Variants in MGAM2 observed in about 807,000 individuals in gnomAD.
The protein encoded by MGAM2 is maltase-glucoamylase 2 (putative), also known as probable maltase-glucoamylase 2.
Under a neutral mutation model 96.1 loss-of-function variants are expected in MGAM2, and 98 were observed. That is an observed-to-expected ratio of 1.02 (90% CI 0.87 to 1.21). The LOEUF (loss-of-function observed/expected upper bound fraction) is 1.21. Among genes scored for constraint, MGAM2 ranks in the 50% most tolerant of loss-of-function variants. MGAM2 has a pLI of 0.00. For synonymous variants in MGAM2, 749 were observed against 414.8 expected (o/e 1.81, Z -9.79); for missense variants, 2,055 against 1,182.4 (o/e 1.74, Z -10.82).
intron 38 of MGAM2, 122 bp from the exon 39 acceptor site, chr7:142,196,443 A>G (rs1797038769): frequency 3.0e-6 from 2 of 663,700 alleles, no homozygotes; most frequent in South Asian, 1.7e-5. Context: ...ATTTACACCC[A>G]TCTTTTAATA....
At chr7:142,201,980 AAAAAG>A in intron 45 of MGAM2, among the ~76,000 whole-genome samples, 1 of 66,880 alleles carries the variant, frequency 1.5e-5, no homozygotes. Context: ...TATTAGGAAT[AAAAAG>A]CAATTAAAGC....
rs565474835 is a variant in MGAM2, at chr7:142,149,626, C to T, written c.1634+2053C>T. 4.0e-3 allele frequency among the ~76,000 whole-genome samples: 612 copies of T among 151,954 alleles called. 4 individuals are homozygous for T. The highest frequency in any genetic ancestry group is 0.014 in the African/African-American group (561 of 41,454). The stretch of plus-strand genomic sequence containing the variant: ...TGCGATCTCGGCTCACTGCAAGCTC[C>T]GCCTCCTGGGTTCACGCCATTCTCC... On this transcript the variant is annotated intron_variant, in intron 15 of 47. Transcript: ENST00000477922.
intron 45 of MGAM2, among the ~76,000 whole-genome samples, chr7:142,201,071 C>CTTTTTTTCTTT (rs1797209807): frequency 3.6e-5 from 3 of 84,382 alleles, no homozygotes; most frequent in Admixed American, 1.7e-4. Flanking sequence ...CATCCTTTTT[C>CTTTTTTTCTTT]TTTTTTTTTT....
chr7:142,196,259 A>G lies in MGAM2; in HGVS notation c.4452A>G (p.Ala1484=), dbSNP rs4236467. The G allele has an allele frequency of 0.65, 532,707 of 814,632 alleles. 175,780 individuals carry two copies. Among genetic ancestry groups the G allele is most frequent in the Admixed American group, 0.72 (35,878 of 50,076 alleles). The allele number at this position is 814,632 out of a possible 1,614,324, so 50.5% of individuals were successfully genotyped here. A position where few individuals can be genotyped will look rare whatever the true frequency, so the allele number is the denominator to read the frequency against. ...ACCGGTTGGGAAACAACACAGCTGCATGGGACCAGCTGGGGAAATCTATCA... is the reference window on the plus strand; with the variant it reads ...ACCGGTTGGGAAACAACACAGCTGCGTGGGACCAGCTGGGGAAATCTATCA... The part of the protein sequence containing the change: ...GGHRLGNNTA[A]WDQLGKSIIG... Residue 1484 remains alanine, a synonymous_variant, in exon 38 of 48, where the codon GCA becomes GCG. Coordinates refer to ENST00000477922, the MANE Select transcript of MGAM2 (RefSeq NM_001293626.2).
chr7:142,176,865 C>A (rs911640647), intron 32 of MGAM2, among the ~76,000 whole-genome samples: 1 of 152,140 alleles, frequency 6.6e-6, no homozygotes, highest in Non-Finnish European at 1.5e-5. Context: ...GGAGAAACAC[C>A]AATGCATTCT....
chr7:142,145,562 A>G (rs561759673), intron 14 of MGAM2, among the ~76,000 whole-genome samples: 130 of 152,304 alleles, frequency 8.5e-4, no homozygotes, highest in Admixed American at 1.6e-3. Context: ...TGGCAGTGGC[A>G]GTATAGAATA....
intron 3 of MGAM2, among the ~76,000 whole-genome samples, chr7:142,121,808 A>T (rs1794580794): frequency 6.6e-6 from 1 of 151,754 alleles, no homozygotes; most frequent in Non-Finnish European, 1.5e-5. Flanking sequence ...GAATTATATT[A>T]TAGGAAAATA....
intron 44 of MGAM2, 124 bp from the exon 45 acceptor site, chr7:142,199,756 C>A: frequency 2.2e-6 from 1 of 454,696 alleles, no homozygotes; most frequent in Non-Finnish European, 3.9e-6. Context: ...ATTTTTAGAA[C>A]TTTATATGCA....
chr7:142,169,175 A>C (rs1796117878), intron 26 of MGAM2, among the ~76,000 whole-genome samples: 1 of 152,200 alleles, frequency 6.6e-6, no homozygotes, highest in Admixed American at 6.5e-5. Flanking sequence ...TCACACCTGT[A>C]ATCCCAACAC....
chr7:142,207,099 T>C (rs1797424794), intron 45 of MGAM2, among the ~76,000 whole-genome samples: 1 of 151,962 alleles, frequency 6.6e-6, no homozygotes, highest in Non-Finnish European at 1.5e-5. Flanking sequence ...CTGACAAGAG[T>C]TGGAATGTTG....
chr7:142,170,156 C>T lies in MGAM2; in HGVS notation c.3109C>T (p.Arg1037Cys), dbSNP rs576318860. 27 of 702,678 alleles carry T rather than the reference C, an allele frequency of 3.8e-5. No homozygotes were observed. Among genetic ancestry groups the T allele is most frequent in the African/African-American group, 7.0e-5 (4 of 57,198 alleles). 43.5% of individuals were successfully genotyped at this position (702,678 alleles called of 1,614,324 possible). Residue 1037 changes from arginine (R) to cysteine (C), a missense_variant, in exon 27 of 48, where the codon CGT (arginine) becomes TGT (cysteine). By Grantham distance (180) the Arg-to-Cys change is radical. Transcript: ENST00000477922. ...CCAACCAGTTGGTGACCCTGAAAAC[C>T]GTCTGTATGATGTCAGGATTCAGAA... ...PPQPVGDPEN[R>C]LYDVRIQNNP...
rs867320788 is a variant in MGAM2 at position 142,208,581 on chromosome 7, G to A, written c.5146G>A (p.Glu1716Lys). 1.0e-5 allele frequency: 7 copies of A among 702,674 alleles called. No homozygotes were observed. Among genetic ancestry groups the A allele is most frequent in the African/African-American group, 7.0e-5 (4 of 57,254 alleles). 43.5% of individuals were successfully genotyped at this position (702,674 alleles called of 1,614,324 possible). The change falls in exon 46 of 48, where the codon GAA becomes AAA. Residue 1716 changes from glutamate (E) to lysine (K), a missense_variant. Glu to Lys is a moderately conservative substitution (Grantham distance 56, BLOSUM62 1). Transcript: ENST00000477922. Reference sequence around the variant, plus strand: ...CTTTTCCTTGTTTGCAGATACCTATGAAAATGGAAATTATTTTTTGGCAAA... The same window carrying A: ...CTTTTCCTTGTTTGCAGATACCTATAAAAATGGAAATTATTTTTTGGCAAA... ...WDDGQSIDTYENGNYFLANFI... is the reference protein window; with the variant it reads ...WDDGQSIDTYKNGNYFLANFI...
rs563181908 is a variant in MGAM2 at position 142,173,934 on chromosome 7, G to A, written c.3687+580G>A. 1.6e-4 allele frequency among the ~76,000 whole-genome samples: 25 copies of A among 152,266 alleles called. No homozygotes were observed. In the South Asian group the frequency reaches 4.1e-3, roughly 25 times the overall value. On this transcript the variant is annotated intron_variant, in intron 31 of 47. Transcript: ENST00000477922. ...TCCCTGCACCATTTATTGAATAAGG[G>A]AGTCCTTTCCCCATTGCTTGTTTTT...
rs113128550 is a variant in MGAM2 at position 142,136,078 on chromosome 7, G to A, written c.748-463G>A. 7.3e-3 allele frequency among the ~76,000 whole-genome samples: 1,109 copies of A among 152,154 alleles called. 9 individuals carry two copies. Among genetic ancestry groups the A allele is most frequent in the African/African-American group, 0.021 (859 of 41,512 alleles). ...ACATATACTGAGTTAGACAAGCATC[G>A]TCATAATCCAGTTCTATAGCTTTGA... On this transcript the variant is annotated intron_variant, in intron 7 of 47. Transcript: ENST00000477922.
At chr7:142,157,155 G>A (rs892130229) in intron 17 of MGAM2, among the ~76,000 whole-genome samples, 1 of 152,248 alleles carries the variant, frequency 6.6e-6, no homozygotes, top group East Asian at 1.9e-4. Flanking sequence ...CACATGGAAA[G>A]GAAATGATGG....
intron 37 of MGAM2, among the ~76,000 whole-genome samples, chr7:142,194,193 C>A (rs1333554209): frequency 6.6e-6 from 1 of 152,120 alleles, no homozygotes; most frequent in African/African-American, 2.4e-5. Context: ...CCACCATGCC[C>A]AGCTAATTTT....
At position 142,184,777 on chromosome 7, in the gene MGAM2, C is replaced by G. The variant is rs149874774; in HGVS notation, c.3925-300C>G. Among the ~76,000 whole-genome samples, 930 of 152,218 alleles carry G rather than the reference C, an allele frequency of 6.1e-3. 14 individuals are homozygous for G. Among genetic ancestry groups the G allele is most frequent in the African/African-American group, 0.021 (881 of 41,546 alleles). ...TATGAATTTTGTTATAGGTCTGTGA[C>G]AAGGAGATCAGAGATCTGAGAAATC... On this transcript the variant is annotated intron_variant, in intron 33 of 47. Coordinates refer to ENST00000477922, the MANE Select transcript of MGAM2 (RefSeq NM_001293626.2).
intron 14 of MGAM2, 96 bp downstream of exon 14, chr7:142,145,041 G>A: frequency 4.7e-6 from 3 of 645,018 alleles, no homozygotes; most frequent in Non-Finnish European, 8.4e-6. Context: ...TCACTTCCTA[G>A]TCCAAGGGGT....
At position 142,148,025 on chromosome 7, in the gene MGAM2, T is replaced by A. The variant is rs1186278429; in HGVS notation, c.1634+452T>A. The stretch of plus-strand genomic sequence containing the variant: ...TTATTTATCTGGAAATGCTACACCA[T>A]ATCCTTCTATTTCCTTCCCAATGTC... On this transcript the variant is annotated intron_variant, in intron 15 of 47. Transcript: ENST00000477922. This position sits in a 1 kb window ranked among gnomAD's most constrained non-coding sequence, Gnocchi z 4.2. 6.6e-6 allele frequency among the ~76,000 whole-genome samples: 1 copy of A among 152,058 alleles called. No homozygotes were observed. The highest frequency in any genetic ancestry group is 1.5e-5 in the Non-Finnish European group (1 of 68,012).
Sources: allele counts gnomAD v4.1 joint callset (sites outside exome capture counted in the v4.1 genomes callset), GRCh38; gene constraint gnomAD v4.1.1; non-coding constraint Gnocchi (gnomAD v3.1); transcripts MANE v1.5; gene names NCBI Gene and HGNC (gene_info 2026-07-23, HGNC 2026-07-21).